FBN2: variants seen among roughly 807,000 people sequenced by gnomAD.
The protein encoded by FBN2 is fibrillin 2.
FBN2 carries 105 observed loss-of-function variants against 355.6 expected under a neutral mutation model. That is an observed-to-expected ratio of 0.30 (90% CI 0.25 to 0.35). FBN2 has a LOEUF of 0.35. Ranked by LOEUF, FBN2 falls within the 10% of genes least tolerant of loss-of-function variation. FBN2 has a pLI of 1.00. For missense variants in FBN2, 3,280 were observed against 3,758.7 expected (o/e 0.87, Z 3.33); for synonymous variants, 1,350 against 1,301.2 (o/e 1.04, Z -0.81).
chr5:128,434,049 T>C (rs1581290669), intron 7 of FBN2, among the ~76,000 whole-genome samples: 3 of 152,156 alleles, frequency 2.0e-5, no homozygotes, highest in African/African-American at 2.4e-5. Flanking sequence ...TACTGGCACA[T>C]GGAGAAACAA....
At chr5:128,335,653 T>C in intron 28 of FBN2, 76 bp from the exon 29 acceptor site, 10 of 1,556,146 alleles carry the variant, frequency 6.4e-6, no homozygotes, top group Non-Finnish European at 8.0e-6. Context: ...AAACAGATAA[T>C]GCTAATGTGG....
rs1482873335 is a variant in FBN2, at chr5:128,350,779, TCACTAAGGAACTGCGTAGTG to T, written c.2812+69_2812+88del. On this transcript the variant is annotated intron_variant, in intron 21 of 64. Transcript: ENST00000262464. Reference sequence around the variant, plus strand: ...AAAAGTAAATGATCTCTGACCTTCTTCACTAAGGAACTGCGTAGTGAAAGAGGTGTCCTAGTGGCAGGAGA... The same window carrying T: ...AAAAGTAAATGATCTCTGACCTTCTTAAAGAGGTGTCCTAGTGGCAGGAGA... 2.8e-6 allele frequency: 4 copies of T among 1,449,880 alleles called. No homozygotes were observed. The African/African-American group carries it at 5.6e-5, about 20-fold the overall frequency. 89.8% of individuals were successfully genotyped at this position (1,449,880 alleles called of 1,614,324 possible).
At chr5:128,514,118 T>C (rs1490571547) in intron 5 of FBN2, among the ~76,000 whole-genome samples, 2 of 152,174 alleles carry the variant, frequency 1.3e-5, no homozygotes, top group Non-Finnish European at 2.9e-5. Context: ...ATTTTCATTC[T>C]ACTAAATCTT....
At chr5:128,344,338 G>C in intron 25 of FBN2, 47 bp downstream of exon 25, 1 of 1,607,240 alleles carries the variant, frequency 6.2e-7, no homozygotes, top group Middle Eastern at 1.7e-4. Flanking sequence ...ACAGAGTAAA[G>C]GAAAGACAGC....
intron 62 of FBN2, among the ~76,000 whole-genome samples, chr5:128,264,814 C>T (rs1450047671): frequency 2.6e-5 from 4 of 152,090 alleles, no homozygotes; most frequent in African/African-American, 4.8e-5. Flanking sequence ...AGTGGGGAAG[C>T]GAGGGATCTG....
At chr5:128,301,283 A>G (rs752555400) in intron 47 of FBN2, 99 bp downstream of exon 47, 23 of 1,118,460 alleles carry the variant, frequency 2.1e-5, no homozygotes, top group East Asian at 7.1e-5. Context: ...TGATGATTAA[A>G]TGAAATATTA....
chr5:128,409,311 G>C (rs1403908460), intron 7 of FBN2, among the ~76,000 whole-genome samples: 2 of 152,040 alleles, frequency 1.3e-5, no homozygotes, highest in African/African-American at 4.8e-5. Context: ...TGACATTCTG[G>C]GAACAACTTC....
At chr5:128,496,669 A>G (rs1227440372) in intron 5 of FBN2, among the ~76,000 whole-genome samples, 1 of 152,106 alleles carries the variant, frequency 6.6e-6, no homozygotes, top group Non-Finnish European at 1.5e-5. Flanking sequence ...CAGACAAGAA[A>G]AGAAAAGAAA....
intron 61 of FBN2, among the ~76,000 whole-genome samples, chr5:128,272,732 TG>T (rs1168271404): frequency 6.6e-6 from 1 of 152,000 alleles, no homozygotes; most frequent in Non-Finnish European, 1.5e-5. Context: ...TATGCTTTTT[TG>T]GAATGACAAC....
chr5:128,276,264 A>G, intron 58 of FBN2, 104 bp from the exon 59 acceptor site: 1 of 1,227,904 alleles, frequency 8.1e-7, no homozygotes, highest in Admixed American at 1.8e-5. Context: ...TTCCTGTTCA[A>G]CTTAAAGTGG....
intron 40 of FBN2, 110 bp from the exon 41 acceptor site, chr5:128,309,509 C>T (rs1018136434): frequency 2.3e-6 from 2 of 861,724 alleles, no homozygotes; most frequent in African/African-American, 3.4e-5. Flanking sequence ...ACTCGGAAAC[C>T]CTTTTTAGTC....
At chr5:128,506,440 T>C (rs1755963682) in intron 5 of FBN2, among the ~76,000 whole-genome samples, 1 of 152,188 alleles carries the variant, frequency 6.6e-6, no homozygotes, top group Admixed American at 6.5e-5. Context: ...GTAAATGGTA[T>C]TGTTTTCAAC....
chr5:128,345,573 C>G lies in FBN2; in HGVS notation c.3001G>C (p.Glu1001Gln), dbSNP rs1751155801. 6.2e-7 allele frequency: 1 copy of G among 1,612,032 alleles called. No individual in the cohort carries two copies. Among genetic ancestry groups the G allele is most frequent in the Admixed American group, 1.7e-5 (1 of 59,888 alleles). The stretch of plus-strand genomic sequence containing the variant: ...TCATCCCACTTCAAGTAACACTGCT[C>G]CATGCGAATATCTACACCGAGAACG... Reference protein sequence around the residue: ...TGRVCLDIRMEQCYLKWDEDE... With the variant: ...TGRVCLDIRMQQCYLKWDEDE... Residue 1001 changes from glutamate to glutamine, a missense_variant, in exon 24 of 65, where the codon GAG becomes CAG. By Grantham distance (29) the Glu-to-Gln change is conservative. Coordinates refer to ENST00000262464, the MANE Select transcript of FBN2 (RefSeq NM_001999.4).
intron 59 of FBN2, among the ~76,000 whole-genome samples, chr5:128,275,599 A>T (rs922695013): frequency 6.6e-6 from 1 of 152,130 alleles, no homozygotes; most frequent in African/African-American, 2.4e-5. Context: ...TAATGATCTA[A>T]TTTAGCTTGA....
Position 128,441,246 on chromosome 5 carries a change from A to G in FBN2, c.952+5235T>C, listed in dbSNP as rs1403738394. On this transcript the variant is annotated intron_variant, in intron 7 of 64. Coordinates refer to ENST00000262464, the MANE Select transcript of FBN2 (RefSeq NM_001999.4). ...CTTGGTAGATTCTGGCCAGGGTACT[A>G]CCACAAAATGCAATGGGCAAAGGGA... Among the ~76,000 whole-genome samples, 6 of 152,156 alleles carry G rather than the reference A, an allele frequency of 3.9e-5. No individual in the cohort carries two copies. In the South Asian group the frequency reaches 1.2e-3, roughly 32 times the overall value.
At position 128,336,003 on chromosome 5, in the gene FBN2, G is replaced by T. The variant is rs746570981; in HGVS notation, c.3709C>A (p.Arg1237Ser). The T allele has an allele frequency of 6.2e-7, 1 of 1,614,030 alleles. No individual in the cohort carries two copies. Among genetic ancestry groups the T allele is most frequent in the Non-Finnish European group, 8.5e-7 (1 of 1,179,976 alleles). ...CTCCCCTTACCTGTACAGCCCTGGC[G>T]GTCTGGCGTAGCCTGATATCCAGGA... The part of the protein sequence containing the change: ...CNPGYQATPD[R>S]QGCTDIDECM... The change falls in exon 28 of 65, where the codon CGC becomes AGC. Residue 1237 changes from arginine to serine, a missense_variant. Physicochemically the swap from Arg to Ser is moderately radical, Grantham distance 110. This residue lies in a region of FBN2 where 2,284 missense variants were observed against 2,749.5 expected (regional missense o/e 0.83). Coordinates refer to ENST00000262464, the MANE Select transcript of FBN2 (RefSeq NM_001999.4).
chr5:128,270,131 T>C (rs926676823), intron 62 of FBN2, among the ~76,000 whole-genome samples: 20 of 152,230 alleles, frequency 1.3e-4, no homozygotes, highest in African/African-American at 3.9e-4. Context: ...CTGGGAAAGC[T>C]GGCTAGCCAT....
intron 25 of FBN2, among the ~76,000 whole-genome samples, chr5:128,339,980 C>G (rs577668024): frequency 1.5e-4 from 23 of 151,896 alleles, no homozygotes. Context: ...CACCTGAGGA[C>G]TGTGTGGGTG....
In FBN2 at chr5:128,393,359, C is replaced by T. The variant is rs199868637; in HGVS notation, c.1241G>A (p.Arg414His). ...TGGAAGTCCATCCATGCAAAGTCTGCGATATTCCTCTAGAAGAAAAGAAAG... is the reference window on the plus strand; with the variant it reads ...TGGAAGTCCATCCATGCAAAGTCTGTGATATTCCTCTAGAAGAAAAGAAAG... ...ACPVRGSEEY[R>H]RLCMDGLPMG... is the part of the protein sequence containing the mutation. The change falls in exon 10 of 65, where the codon CGC becomes CAC. Residue 414 changes from arginine (R) to histidine (H), a missense_variant. Coordinates refer to ENST00000262464, the MANE Select transcript of FBN2 (RefSeq NM_001999.4). The T allele has an allele frequency of 2.2e-5, 36 of 1,613,660 alleles. No individual in the cohort carries two copies. Among genetic ancestry groups the T allele is most frequent in the African/African-American group, 5.3e-5 (4 of 74,900 alleles).
Sources: allele counts gnomAD v4.1 joint callset (sites outside exome capture counted in the v4.1 genomes callset), GRCh38; gene constraint gnomAD v4.1.1; regional missense constraint gnomAD v4.1.1; transcripts MANE v1.5; gene names NCBI Gene and HGNC (gene_info 2026-07-23, HGNC 2026-07-21).